Variants in RASSF8 observed in about 807,000 individuals in gnomAD.
The protein encoded by RASSF8 is Ras association domain family member 8, also known as ras association domain-containing protein 8.
RASSF8 carries 22 observed loss-of-function variants against 48.5 expected under a neutral mutation model. The ratio of observed to expected loss-of-function variants is 0.45; its 90% CI spans 0.32 to 0.65. The LOEUF is 0.65. Ranked by LOEUF, RASSF8 falls within the 30% of genes least tolerant of loss-of-function variation. The probability of loss-of-function intolerance (pLI) is 0.03; values close to 1 mark genes in which losing one functional copy is unlikely to be tolerated. For synonymous variants in RASSF8, 127 were observed against 171.5 expected (o/e 0.74, Z 2.03); for missense variants, 418 against 489.2 (o/e 0.85, Z 1.37).
intron 1 of RASSF8, among the ~76,000 whole-genome samples, chr12:25,993,887 A>T (rs369491894): frequency 1.3e-3 from 192 of 152,350 alleles, no homozygotes; most frequent in Non-Finnish European, 2.3e-3. Flanking sequence ...GGAAGCGGGC[A>T]CTAGTGCACC....
At chr12:25,989,511 A>G (rs1487430377) in intron 1 of RASSF8, among the ~76,000 whole-genome samples, 1 of 152,208 alleles carries the variant, frequency 6.6e-6, no homozygotes, top group African/African-American at 2.4e-5. Context: ...TGAAATATTG[A>G]AGTGTTATCC....
At position 26,064,988 on chromosome 12, in the gene RASSF8, T is replaced by A; in HGVS notation, c.594T>A (p.Tyr198Ter). 6.2e-7 allele frequency: 1 copy of A among 1,613,378 alleles called. No homozygotes were observed. The highest frequency in any genetic ancestry group is 1.3e-5 in the African/African-American group (1 of 74,954). The change falls in exon 4 of 6, where the codon TAT (tyrosine) becomes TAA (stop). Residue 198 changes from tyrosine (Y) to a stop codon, truncating the protein, a stop_gained. Transcript: ENST00000689635. LOFTEE classifies it high-confidence loss of function. The part of the protein sequence containing the change: ...EIEIRFWEQK[Y>*]NSNLEEEIVR... ...AAATAAGATTTTGGGAGCAAAAGTA[T>A]AATTCCAACCTTGAAGAGGAAATTG...
At chr12:25,997,181 G>T (rs952850612) in intron 2 of RASSF8, among the ~76,000 whole-genome samples, 2 of 151,970 alleles carry the variant, frequency 1.3e-5, no homozygotes, top group Non-Finnish European at 2.9e-5. Flanking sequence ...AGACAGATTG[G>T]GTAAAACAAT....
chr12:26,055,283 A>C lies in RASSF8; in HGVS notation c.-61A>C. 7.4e-7 allele frequency: 1 copy of C among 1,351,146 alleles called. No homozygotes were observed. The highest frequency in any genetic ancestry group is 1.1e-6 in the Non-Finnish European group (1 of 940,440). 83.7% of individuals were successfully genotyped at this position (1,351,146 alleles called of 1,614,324 possible). ...CTCCACTCCGTGTTCCTGCAGCTAG[A>C]GACATGACCTAACACCCTGATGACC... On this transcript the variant is annotated 5_prime_UTR_variant, in exon 3 of 6. Coordinates refer to ENST00000689635, the MANE Select transcript of RASSF8 (RefSeq NM_001394098.1).
downstream of RASSF8, among the ~76,000 whole-genome samples, chr12:26,074,242 G>T (rs1335326730): frequency 6.6e-6 from 1 of 152,138 alleles, no homozygotes; most frequent in Admixed American, 6.5e-5. Context: ...CCTATAAAAT[G>T]GGCATAAATA....
At chr12:26,043,803 A>G (rs1399964512) in intron 2 of RASSF8, among the ~76,000 whole-genome samples, 2 of 152,224 alleles carry the variant, frequency 1.3e-5, no homozygotes, top group Admixed American at 1.3e-4. Context: ...AACATAATGT[A>G]ACGCCAAAGA....
At chr12:25,960,259 T>TGGAGTTGCCA (rs942630201) in intron 1 of RASSF8, among the ~76,000 whole-genome samples, 1 of 152,186 alleles carries the variant, frequency 6.6e-6, no homozygotes, top group African/African-American at 2.4e-5. Context: ...CCTTTCATCT[T>TGGAGTTGCCA]GGAGTTGCCA....
At chr12:26,034,892 G>T (rs1386162084) in intron 2 of RASSF8, among the ~76,000 whole-genome samples, 1 of 150,238 alleles carries the variant, frequency 6.7e-6, no homozygotes, top group Non-Finnish European at 1.5e-5. Flanking sequence ...AAGTGTAGAT[G>T]CATTCTCATT....
At chr12:26,008,011 C>G (rs1314186561) in intron 2 of RASSF8, among the ~76,000 whole-genome samples, 1 of 152,188 alleles carries the variant, frequency 6.6e-6, no homozygotes, top group Admixed American at 6.5e-5. Context: ...CGGTGGCTCA[C>G]GCCTGTAATC....
At chr12:25,965,750 T>G (rs1941346579) in intron 1 of RASSF8, among the ~76,000 whole-genome samples, 2 of 152,190 alleles carry the variant, frequency 1.3e-5, no homozygotes, top group South Asian at 4.1e-4. Context: ...TAGTTCAAAT[T>G]TTCTGGAATT....
chr12:26,073,815 TACACATACACAC>T (rs1944044480), downstream of RASSF8, among the ~76,000 whole-genome samples: 1 of 85,766 alleles, frequency 1.2e-5, no homozygotes, highest in African/African-American at 6.8e-5. Context: ...CACATATATA[TACACATACACAC>T]ACACACACAC....
At chr12:25,985,906 A>G (rs981121714) in intron 1 of RASSF8, among the ~76,000 whole-genome samples, 1 of 152,196 alleles carries the variant, frequency 6.6e-6, no homozygotes. Context: ...TTCTTTAACT[A>G]CCTGTGCCTC....
At chr12:25,965,723 C>G (rs1200420049) in intron 1 of RASSF8, among the ~76,000 whole-genome samples, 1 of 152,134 alleles carries the variant, frequency 6.6e-6, no homozygotes, top group African/African-American at 2.4e-5. Flanking sequence ...AACCACTGGT[C>G]TGCTGTCACT....
At chr12:26,074,883 G>T (rs887173456), downstream of RASSF8, among the ~76,000 whole-genome samples, 4 of 152,156 alleles carry the variant, frequency 2.6e-5, no homozygotes, top group Non-Finnish European at 5.9e-5. Flanking sequence ...ATCATGAGGG[G>T]CCTTGGTTGC....
chr12:26,006,627 A>T (rs762846478), intron 2 of RASSF8, among the ~76,000 whole-genome samples: 3 of 152,192 alleles, frequency 2.0e-5, no homozygotes, highest in Admixed American at 1.3e-4. Flanking sequence ...TGGAGAGGGA[A>T]CTAGGGCACT....
At chr12:26,045,402 C>CTT (rs1943351621) in intron 2 of RASSF8, among the ~76,000 whole-genome samples, 1 of 152,196 alleles carries the variant, frequency 6.6e-6, no homozygotes, top group African/African-American at 2.4e-5. Flanking sequence ...AGCAGCCACT[C>CTT]TGACTCATGA....
Position 26,057,826 on chromosome 12 carries a change from G to T in RASSF8, c.103+2380G>T, listed in dbSNP as rs577853321. Among the ~76,000 whole-genome samples the T allele has an allele frequency of 1.5e-4, 23 of 152,276 alleles. No individual in the cohort carries two copies. The South Asian group carries it at 4.6e-3, about 30-fold the overall frequency. On this transcript the variant is annotated intron_variant, in intron 3 of 5. Coordinates refer to ENST00000689635, the MANE Select transcript of RASSF8 (RefSeq NM_001394098.1). ...CTTTTTAATGATCGCCATTCCAACT[G>T]GTGTGAGATGGTATCTCATTGTGGT...
chr12:25,984,400 T>G (rs1941822530), intron 1 of RASSF8, among the ~76,000 whole-genome samples: 1 of 151,904 alleles, frequency 6.6e-6, no homozygotes. Flanking sequence ...TGCAGTATAG[T>G]GGCACGATCT....
At position 26,067,707 on chromosome 12, in the gene RASSF8, G is replaced by A; in HGVS notation, c.1132G>A (p.Glu378Lys). ...AATAGAGGCCTCACATGCAGACATT[G>A]AAAGGGGTAAGATGTTGATAAATAT... is the stretch of plus-strand genomic sequence containing the variant. ...IEIEASHADI[E>K]REAPFQSGSL... The change falls in exon 5 of 6, where the codon GAA (glutamate) becomes AAA (lysine). Residue 378 changes from glutamate (E) to lysine (K), a missense_variant. Coordinates refer to ENST00000689635, the MANE Select transcript of RASSF8 (RefSeq NM_001394098.1). 1 of 1,614,142 alleles carries A rather than the reference G, an allele frequency of 6.2e-7. No homozygotes were observed. The highest frequency in any genetic ancestry group is 8.5e-7 in the Non-Finnish European group (1 of 1,180,024).
Sources: allele counts gnomAD v4.1 joint callset (sites outside exome capture counted in the v4.1 genomes callset), GRCh38; gene constraint gnomAD v4.1.1; transcripts MANE v1.5; gene names NCBI Gene and HGNC (gene_info 2026-07-23, HGNC 2026-07-21).